Variants in HECW2 observed in about 807,000 individuals in gnomAD.
The protein encoded by HECW2 is E3 ubiquitin-protein ligase HECW2.
Under a neutral mutation model 175.2 loss-of-function variants are expected in HECW2, and 61 were observed. The observed-to-expected ratio is 0.35, with a 90% CI of 0.28 to 0.43. The LOEUF is 0.43. HECW2 is among the 20% of genes least tolerant of loss of function. The probability of loss-of-function intolerance (pLI) is 1.00; values close to 1 mark genes in which losing one functional copy is unlikely to be tolerated. For missense variants in HECW2, 1,524 were observed against 2,000.5 expected, an observed-to-expected ratio of 0.76 and a Z score of 4.54; for synonymous variants, 671 against 731.0, an observed-to-expected ratio of 0.92 and a Z score of 1.32.
At chr2:196,375,846 G>A (rs2105911457) in intron 2 of HECW2, among the ~76,000 whole-genome samples, 1 of 152,318 alleles carries the variant, frequency 6.6e-6, no homozygotes, top group South Asian at 2.1e-4. Context: ...AATGACACTT[G>A]TTCTATATCA....
intron 28 of HECW2, among the ~76,000 whole-genome samples, chr2:196,208,527 A>G (rs1687148909): frequency 6.6e-6 from 1 of 152,268 alleles, no homozygotes; most frequent in African/African-American, 2.4e-5. Context: ...ATAACTGAAC[A>G]TGATGACTGA....
intron 2 of HECW2, chr2:196,362,130 C>T (rs926141303): frequency 6.9e-5 from 68 of 985,178 alleles, no homozygotes; most frequent in Middle Eastern, 5.2e-4. Context: ...ACACTAAAAG[C>T]CACTCCTGCC....
intron 1 of HECW2, among the ~76,000 whole-genome samples, chr2:196,482,219 C>T (rs1167579094): frequency 1.3e-5 from 2 of 152,220 alleles, no homozygotes; most frequent in Non-Finnish European, 2.9e-5. Flanking sequence ...CATGCAAGGG[C>T]CTTGTCCCAT....
chr2:196,320,873 C>T (rs1691915399), intron 7 of HECW2, among the ~76,000 whole-genome samples: 1 of 152,130 alleles, frequency 6.6e-6, no homozygotes, highest in African/African-American at 2.4e-5. Context: ...AAAGCTGGTT[C>T]TAAAAGGACA....
chr2:196,557,157 A>G (rs1689822205), intron 1 of HECW2, among the ~76,000 whole-genome samples: 1 of 152,188 alleles, frequency 6.6e-6, no homozygotes, highest in Non-Finnish European at 1.5e-5. Context: ...GCACTTTGGG[A>G]GCCCGAGGTG....
intron 2 of HECW2, among the ~76,000 whole-genome samples, chr2:196,415,067 G>A (rs942090397): frequency 3.9e-5 from 6 of 152,160 alleles, no homozygotes; most frequent in Non-Finnish European, 8.8e-5. Flanking sequence ...GCAGGACATG[G>A]GAAGAAGGTG....
intron 5 of HECW2, among the ~76,000 whole-genome samples, chr2:196,327,094 C>A (rs548311013): frequency 1.3e-5 from 2 of 152,250 alleles, no homozygotes; most frequent in East Asian, 3.9e-4. Flanking sequence ...AAAAAGGGTT[C>A]TCTTTGTAGT....
chr2:196,494,757 C>T (rs539289524), intron 1 of HECW2, among the ~76,000 whole-genome samples: 1 of 152,274 alleles, frequency 6.6e-6, no homozygotes, highest in East Asian at 1.9e-4. Context: ...GACTATTATG[C>T]AGGTTCAGGC....
chr2:196,241,418 C>T (rs1275721498), intron 20 of HECW2, among the ~76,000 whole-genome samples: 3 of 152,228 alleles, frequency 2.0e-5, no homozygotes, highest in Admixed American at 6.5e-5. Context: ...GTCTCTGGAC[C>T]GTCTCTCAGG....
At chr2:196,527,811 G>C (rs910627215) in intron 1 of HECW2, among the ~76,000 whole-genome samples, 2 of 152,154 alleles carry the variant, frequency 1.3e-5, no homozygotes, top group African/African-American at 4.8e-5. Flanking sequence ...GAGTCCACTT[G>C]AAATTTTTAA....
intron 1 of HECW2, among the ~76,000 whole-genome samples, chr2:196,538,195 G>A (rs1250885838): frequency 6.6e-6 from 1 of 152,180 alleles, no homozygotes; most frequent in Non-Finnish European, 1.5e-5. Context: ...GATTTGACCT[G>A]AGGCATATCC....
At chr2:196,464,515 T>C (rs1696871157) in intron 1 of HECW2, among the ~76,000 whole-genome samples, 1 of 151,994 alleles carries the variant, frequency 6.6e-6, no homozygotes, top group Admixed American at 6.6e-5. Context: ...ATATACCAAA[T>C]AAGCAAGAAA....
intron 13 of HECW2, among the ~76,000 whole-genome samples, chr2:196,296,157 T>C (rs937764702): frequency 6.6e-6 from 1 of 152,190 alleles, no homozygotes; most frequent in African/African-American, 2.4e-5. Context: ...TTTATGTGTG[T>C]GTATATATAT....
At chr2:196,243,198 G>A (rs143677099) in intron 19 of HECW2, among the ~76,000 whole-genome samples, 1,295 of 117,054 alleles carry the variant, frequency 0.011, 22 homozygotes, top group African/African-American at 0.038. Context: ...ACGGAGTTTC[G>A]CTCTTGTTGC....
chr2:196,537,451 C>T (rs1689059028), intron 1 of HECW2, among the ~76,000 whole-genome samples: 1 of 152,098 alleles, frequency 6.6e-6, no homozygotes, highest in Non-Finnish European at 1.5e-5. Flanking sequence ...CAGCAAAGCT[C>T]TTGGCCTGCC....
chr2:196,363,587 T>G (rs1413783683), intron 2 of HECW2, among the ~76,000 whole-genome samples: 1 of 152,142 alleles, frequency 6.6e-6, no homozygotes, highest in East Asian at 1.9e-4. Context: ...TCCAAGCACT[T>G]TGGGAGGCCA....
chr2:196,392,235 C>T (rs187445651), intron 2 of HECW2, among the ~76,000 whole-genome samples: 96 of 152,262 alleles, frequency 6.3e-4, no homozygotes, highest in Non-Finnish European at 1.2e-3. Context: ...TTTGCTTCAT[C>T]TCTTGCCCAT....
chr2:196,210,494 T>C (rs759934031), intron 28 of HECW2, among the ~76,000 whole-genome samples: 61 of 152,252 alleles, frequency 4.0e-4, no homozygotes, highest in Middle Eastern at 6.8e-3. Context: ...CAGCTAGTAG[T>C]GGACATTGGG....
At chr2:196,484,732 G>A (rs1686945998) in intron 1 of HECW2, among the ~76,000 whole-genome samples, 1 of 152,032 alleles carries the variant, frequency 6.6e-6, no homozygotes, top group Non-Finnish European at 1.5e-5. Context: ...CCCATGCCAG[G>A]CACCGCCCTC....
Sources: allele counts gnomAD v4.1 joint callset (sites outside exome capture counted in the v4.1 genomes callset), GRCh38; gene constraint gnomAD v4.1.1; transcripts MANE v1.5; gene names NCBI Gene and HGNC (gene_info 2026-07-23, HGNC 2026-07-21).